Variants in CLEC9A observed in about 807,000 individuals in gnomAD.
The protein encoded by CLEC9A is C-type lectin domain family 9 member A.
In CLEC9A, 24 loss-of-function variants were observed where a neutral mutation model predicts 30.0. The ratio of observed to expected loss-of-function variants is 0.80; its 90% confidence interval spans 0.58 to 1.13. The LOEUF (loss-of-function observed/expected upper bound fraction) is 1.13, where lower values mean the gene tolerates loss of function less well. Ranked by LOEUF, CLEC9A falls within the 50% of genes most tolerant of loss-of-function variation. The pLI is 0.00. For synonymous variants in CLEC9A, 111 were observed against 96.8 expected, an observed-to-expected ratio of 1.15 and a Z score of -0.86; for missense variants, 251 against 280.9, an observed-to-expected ratio of 0.89 and a Z score of 0.76.
chr12:10,045,123 C>A (rs1476058399), intron 2 of CLEC9A, among the ~76,000 whole-genome samples: 2 of 152,204 alleles, frequency 1.3e-5, no homozygotes, highest in Non-Finnish European at 2.9e-5. Context: ...CCATCCATTG[C>A]AGCTCTTTGT....
At chr12:10,064,602 C>A in intron 7 of CLEC9A, 130 bp from the exon 8 acceptor site, 1 of 933,462 alleles carries the variant, frequency 1.1e-6, no homozygotes, top group South Asian at 2.0e-5. Flanking sequence ...TTTTATAATA[C>A]TCCCTTCTCT....
Position 10,064,759 on chromosome 12 carries a change from A to G in CLEC9A, c.499A>G (p.Ile167Val). 1 of 1,612,358 alleles carries G rather than the reference A, an allele frequency of 6.2e-7. No individual in the cohort carries two copies. Among genetic ancestry groups the G allele is most frequent in the East Asian group, 2.2e-5 (1 of 44,740 alleles). ...TTTTATCACTGGCAGCTTGAGGAAG[A>G]TTAAAGGAAGCTATGATTACTGGGT... ...MDFITGSLRK[I>V]KGSYDYWVGL... Residue 167 changes from isoleucine to valine, a missense_variant, in exon 8 of 9, where the codon ATT (isoleucine) becomes GTT (valine). Transcript: ENST00000355819.
chr12:10,062,881 T>C (rs1047740749), intron 6 of CLEC9A, among the ~76,000 whole-genome samples, 174 bp from the exon 7 acceptor site: 1 of 152,190 alleles, frequency 6.6e-6, no homozygotes, highest in African/African-American at 2.4e-5. Flanking sequence ...AATTATTACA[T>C]GAATCTTACT....
rs1467294698 is a variant in CLEC9A at position 10,030,707 on chromosome 12, G to A, written c.-583G>A. On this transcript the variant is annotated 5_prime_UTR_variant, in exon 1 of 9. Coordinates refer to ENST00000355819, the MANE Select transcript of CLEC9A (RefSeq NM_207345.4). ...GTACCCGGCTGTGGCAATCTGTGGT[G>A]AAGTTGAAATGCTTTTCTGCTAGAC... 6.6e-6 allele frequency: 1 copy of A among 152,228 alleles called. No homozygotes were observed. The highest frequency in any genetic ancestry group is 1.5e-5 in the Non-Finnish European group (1 of 68,058). 9.4% of individuals were successfully genotyped at this position (152,228 alleles called of 1,614,324 possible).
intron 1 of CLEC9A, among the ~76,000 whole-genome samples, chr12:10,031,732 G>A (rs2137292308): frequency 6.6e-6 from 1 of 152,254 alleles, no homozygotes; most frequent in Non-Finnish European, 1.5e-5. Flanking sequence ...AGAAATGGGA[G>A]TAGCAACCAA....
rs11611120 is a variant in CLEC9A, at chr12:10,060,999, A to T, written c.173-128A>T. On this transcript the variant is annotated intron_variant, in intron 5 of 8. Coordinates refer to ENST00000355819, the MANE Select transcript of CLEC9A (RefSeq NM_207345.4). ...TTGTACAATGTAAATTTTAAGCAAA[A>T]ACCTAAAATAATACAAATTCAAGTC... 5.4e-3 allele frequency: 6,352 copies of T among 1,166,082 alleles called. 19 individuals are homozygous for T. The highest frequency in any genetic ancestry group is 6.8e-3 in the Non-Finnish European group (5,787 of 855,082). The allele number at this position is 1,166,082 out of a possible 1,614,324, so 72.2% of individuals were successfully genotyped here.
At position 10,064,752 on chromosome 12, in the gene CLEC9A, G is replaced by A. The variant is rs1318250274; in HGVS notation, c.492G>A (p.Leu164=). 2 of 1,611,718 alleles carry A rather than the reference G, an allele frequency of 1.2e-6. No homozygotes were observed. Among genetic ancestry groups the A allele is most frequent in the African/African-American group, 1.3e-5 (1 of 74,668 alleles). Residue 164 remains leucine (L), a synonymous_variant, in exon 8 of 9, where the codon TTG becomes TTA. Coordinates refer to ENST00000355819, the MANE Select transcript of CLEC9A (RefSeq NM_207345.4). Reference sequence around the variant, plus strand: ...CATAGGATTTTATCACTGGCAGCTTGAGGAAGATTAAAGGAAGCTATGATT... The same window carrying A: ...CATAGGATTTTATCACTGGCAGCTTAAGGAAGATTAAAGGAAGCTATGATT... ...KEEMDFITGS[L]RKIKGSYDYW... is the part of the protein sequence containing the mutation.
intron 1 of CLEC9A, among the ~76,000 whole-genome samples, chr12:10,039,507 T>C (rs1042456222): frequency 2.0e-5 from 3 of 152,234 alleles, no homozygotes; most frequent in Admixed American, 2.0e-4. Context: ...TTTGTCCCTC[T>C]TCCTATCTTG....
rs141715544 is a variant in CLEC9A, at chr12:10,061,240, T to C, written c.286T>C (p.Cys96Arg). Residue 96 changes from cysteine (C) to arginine (R), a missense_variant, in exon 6 of 9, where the codon TGC (cysteine) becomes CGC (arginine). Physicochemically the swap from Cys to Arg is radical, Grantham distance 180 (BLOSUM62 -3). Coordinates refer to ENST00000355819, the MANE Select transcript of CLEC9A (RefSeq NM_207345.4). ...KRSCALQMKY[C>R]QAFMQNSLSS... ...AAGCTGTGCCCTTCAGATGAAATAT[T>C]GCCAAGCCTTCATGCAAAACTCATT... is the stretch of plus-strand genomic sequence containing the variant. 1 of 1,612,022 alleles carries C rather than the reference T, an allele frequency of 6.2e-7. No individual in the cohort carries two copies. The highest frequency in any genetic ancestry group is 1.3e-5 in the African/African-American group (1 of 74,774).
At chr12:10,032,612 C>G (rs1406666498) in intron 1 of CLEC9A, among the ~76,000 whole-genome samples, 1 of 151,940 alleles carries the variant, frequency 6.6e-6, no homozygotes, top group African/African-American at 2.4e-5. Flanking sequence ...AGGATGGTCT[C>G]GATCTCCTAA....
chr12:10,043,053 T>C (rs748998999), intron 2 of CLEC9A, among the ~76,000 whole-genome samples: 6 of 152,196 alleles, frequency 3.9e-5, no homozygotes, highest in Non-Finnish European at 5.9e-5. Flanking sequence ...CTAAGACAAG[T>C]GAAATTGGCA....
intron 2 of CLEC9A, among the ~76,000 whole-genome samples, chr12:10,047,320 C>G (rs1420908573): frequency 6.6e-6 from 1 of 152,218 alleles, no homozygotes; most frequent in South Asian, 2.1e-4. Context: ...TATGTTCATA[C>G]ATCACTATGG....
intron 6 of CLEC9A, among the ~76,000 whole-genome samples, chr12:10,061,954 A>G (rs960575402): frequency 1.3e-5 from 2 of 152,228 alleles, no homozygotes; most frequent in African/African-American, 4.8e-5. Flanking sequence ...AACATCAACC[A>G]TAGTTCCTTC....
In CLEC9A at chr12:10,064,821, T is replaced by G; in HGVS notation, c.561T>G (p.Leu187=). The change falls in exon 8 of 9, where the codon CTT becomes CTG. Residue 187 remains leucine, a synonymous_variant. Transcript: ENST00000355819. ...LSQDGHSGRW[L]WQDGSSPSPG... is the part of the protein sequence containing the mutation. ...AGGATGGACACAGCGGACGCTGGCT[T>G]TGGCAAGATGGCTCCTCTCCTTCTC... 2 of 1,613,342 alleles carry G rather than the reference T, an allele frequency of 1.2e-6. No individual in the cohort carries two copies. The highest frequency in any genetic ancestry group is 1.7e-6 in the Non-Finnish European group (2 of 1,179,618).
At chr12:10,054,107 A>G (rs866813691) in intron 4 of CLEC9A, among the ~76,000 whole-genome samples, 164 bp from the exon 5 acceptor site, 1 of 152,190 alleles carries the variant, frequency 6.6e-6, no homozygotes, top group Non-Finnish European at 1.5e-5. Context: ...GCATTTGAGC[A>G]AAGGTTCTCT....
chr12:10,057,001 ATTG>A (rs1471937963), intron 5 of CLEC9A, among the ~76,000 whole-genome samples: 2 of 152,168 alleles, frequency 1.3e-5, no homozygotes, highest in East Asian at 1.9e-4. Flanking sequence ...ATTAATTTTT[ATTG>A]TTGTTGTTTT....
Position 10,041,881 on chromosome 12 carries a change from G to A in CLEC9A, c.-163+261G>A, listed in dbSNP as rs150968783. ...GTACATAGTGGGTCACACATGAAGA[G>A]TCAGCCCAGTGATGTTCTTGATCAT... On this transcript the variant is annotated intron_variant, in intron 2 of 8. Transcript: ENST00000355819. Among the ~76,000 whole-genome samples, 616 of 152,294 alleles carry A rather than the reference G, an allele frequency of 4.0e-3. 2 individuals carry two copies. The highest frequency in any genetic ancestry group is 0.01 in the Middle Eastern group (3 of 294).
chr12:10,032,730 G>A (rs949731176), intron 1 of CLEC9A, among the ~76,000 whole-genome samples: 4 of 151,864 alleles, frequency 2.6e-5, no homozygotes, highest in Admixed American at 2.6e-4. Flanking sequence ...TCTTTGGTTC[G>A]CTCTGGCACT....
intron 5 of CLEC9A, among the ~76,000 whole-genome samples, chr12:10,055,078 G>A (rs1422878907): frequency 6.6e-6 from 1 of 152,182 alleles, no homozygotes; most frequent in Admixed American, 6.5e-5. Context: ...GTTTGACCTT[G>A]CTTAGGTAAT....
Sources: allele counts gnomAD v4.1 joint callset (sites outside exome capture counted in the v4.1 genomes callset), GRCh38; gene constraint gnomAD v4.1.1; transcripts MANE v1.5; gene names NCBI Gene and HGNC (gene_info 2026-07-23, HGNC 2026-07-21).